PLBD2: variants seen among roughly 807,000 people sequenced by gnomAD.
PLBD2 encodes phospholipase B domain containing 2.
Under a neutral mutation model 68.3 loss-of-function variants are expected in PLBD2, and 51 were observed. The observed-to-expected ratio is 0.75, with a 90% confidence interval of 0.60 to 0.94. PLBD2 has a LOEUF of 0.94. Among genes scored for constraint, PLBD2 ranks in the 40% least tolerant of loss-of-function variants. The pLI is 0.00. For missense variants in PLBD2, 729 were observed against 792.2 expected (o/e 0.92, Z 0.96); for synonymous variants, 314 against 339.3 (o/e 0.93, Z 0.82).
In PLBD2 at chr12:113,374,816, T is replaced by G; in HGVS notation, c.668T>G (p.Leu223Arg). 6.2e-7 allele frequency: 1 copy of G among 1,613,788 alleles called. No individual in the cohort carries two copies. The highest frequency in any genetic ancestry group is 8.5e-7 in the Non-Finnish European group (1 of 1,180,032). Residue 223 changes from leucine (L) to arginine (R), a missense_variant, in exon 5 of 12, where the codon CTG becomes CGG. Coordinates refer to ENST00000280800, the MANE Select transcript of PLBD2 (RefSeq NM_173542.4). Reference sequence around the variant, plus strand: ...AGCCTGCTGCAGCTCTCTGGGGACCTGGAAGACCTGGAGCTGGCCCTGAAC... The same window carrying G: ...AGCCTGCTGCAGCTCTCTGGGGACCGGGAAGACCTGGAGCTGGCCCTGAAC... Reference protein sequence around the residue: ...GFLLLQLSGDLEDLELALNKT... With the variant: ...GFLLLQLSGDREDLELALNKT...
intron 1 of PLBD2, among the ~76,000 whole-genome samples, chr12:113,360,846 G>A (rs886176112): frequency 2.6e-5 from 4 of 152,158 alleles, no homozygotes; most frequent in African/African-American, 7.2e-5. Flanking sequence ...AGTAGAGATG[G>A]GGTTTCACCA....
At chr12:113,364,508 G>T (rs1957325310) in intron 1 of PLBD2, among the ~76,000 whole-genome samples, 2 of 149,994 alleles carry the variant, frequency 1.3e-5, no homozygotes, top group South Asian at 2.1e-4. Context: ...TTGCTCTATT[G>T]TCTGGACTGG....
intron 1 of PLBD2, among the ~76,000 whole-genome samples, chr12:113,360,693 G>A (rs757419016): frequency 9.9e-5 from 15 of 152,172 alleles, no homozygotes; most frequent in African/African-American, 2.2e-4. Context: ...GTTTCACTCC[G>A]TTGCCCAGCT....
chr12:113,386,588 C>T (rs1206600087), intron 9 of PLBD2, among the ~76,000 whole-genome samples: 1 of 150,886 alleles, frequency 6.6e-6, no homozygotes, highest in Non-Finnish European at 1.5e-5. Flanking sequence ...GGCTCGATCT[C>T]AGCTCACTGA....
At position 113,380,241 on chromosome 12, in the gene PLBD2, A is replaced by G. The variant is rs553629987; in HGVS notation, c.860-504A>G. On this transcript the variant is annotated intron_variant, in intron 5 of 11. Coordinates refer to ENST00000280800, the MANE Select transcript of PLBD2 (RefSeq NM_173542.4). ...AAGCTCTGCCTCCCGGGTTCACGCC[A>G]TTCTCCTGACCCAGCCTCCCAAGTA... Among the ~76,000 whole-genome samples the G allele has an allele frequency of 5.1e-4, 77 of 152,098 alleles. 1 individual carries two copies. The highest frequency in any genetic ancestry group is 9.1e-4 in the Non-Finnish European group (62 of 67,990).
chr12:113,375,103 A>G, intron 5 of PLBD2, 96 bp downstream of exon 5: 1 of 1,109,218 alleles, frequency 9.0e-7, no homozygotes, highest in Non-Finnish European at 1.3e-6. Flanking sequence ...AACCCTCCCA[A>G]CACACGGAGT....
chr12:113,383,312 G>A (rs921537219), intron 6 of PLBD2, among the ~76,000 whole-genome samples: 5 of 152,184 alleles, frequency 3.3e-5, no homozygotes, highest in Non-Finnish European at 7.4e-5. Flanking sequence ...GTGAGGGAGT[G>A]GGTTCATGGG....
At chr12:113,379,307 CAAAAAAAAA>C (rs759130410) in intron 5 of PLBD2, among the ~76,000 whole-genome samples, 5 of 46,480 alleles carry the variant, frequency 1.1e-4, no homozygotes, top group Non-Finnish European at 2.4e-4. Flanking sequence ...GACTCTGTCT[CAAAAAAAAA>C]AAAAAAAAAA....
At position 113,388,577 on chromosome 12, in the gene PLBD2, G is replaced by A. The variant is rs753005121; in HGVS notation, c.1721G>A (p.Gly574Asp). 16 of 1,609,618 alleles carry A rather than the reference G, an allele frequency of 9.9e-6. No homozygotes were observed. Among genetic ancestry groups the A allele is most frequent in the Non-Finnish European group, 1.4e-5 (16 of 1,177,216 alleles). The change falls in exon 12 of 12, where the codon GGC (glycine) becomes GAC (aspartate). Residue 574 changes from glycine to aspartate, a missense_variant. Physicochemically the swap from Gly to Asp is moderately conservative, Grantham distance 94 (BLOSUM62 -1). Transcript: ENST00000280800. ...TSPFSGLLHMGQPDLWKFAPV... is the reference protein window; with the variant it reads ...TSPFSGLLHMDQPDLWKFAPV... ...CCCTTCAGCGGCCTGCTGCACATGG[G>A]CCAGCCAGACCTCTGGAAGTTCGCG...
At position 113,388,805 on chromosome 12, in the gene PLBD2, C is replaced by G; in HGVS notation, c.*179C>G. On this transcript the variant is annotated 3_prime_UTR_variant, in exon 12 of 12. Transcript: ENST00000280800. The stretch of plus-strand genomic sequence containing the variant: ...CCTGATGGGGCTCAGAACTGACCCC[C>G]TCTCTCCCCCGAGGTGGGTGGGCAC... 1.7e-6 allele frequency: 1 copy of G among 585,782 alleles called. No individual in the cohort carries two copies. The highest frequency in any genetic ancestry group is 4.0e-5 in the Admixed American group (1 of 25,244). The allele number at this position is 585,782 out of a possible 1,614,324, so 36.3% of individuals were successfully genotyped here.
At chr12:113,380,655 G>A in intron 5 of PLBD2, 90 bp from the exon 6 acceptor site, 1 of 1,028,538 alleles carries the variant, frequency 9.7e-7, no homozygotes, top group South Asian at 1.4e-5. Context: ...GCCTGCCTGT[G>A]CCCCTGTGCC....
At chr12:113,360,856 A>C (rs1957286094) in intron 1 of PLBD2, among the ~76,000 whole-genome samples, 1 of 152,082 alleles carries the variant, frequency 6.6e-6, no homozygotes, top group South Asian at 2.1e-4. Flanking sequence ...GGGTTTCACC[A>C]TGTTGGCCAG....
At chr12:113,367,185 A>T (rs1219188670) in intron 1 of PLBD2, among the ~76,000 whole-genome samples, 2 of 152,240 alleles carry the variant, frequency 1.3e-5, no homozygotes, top group African/African-American at 4.8e-5. Flanking sequence ...AAAGATTTTT[A>T]AAAACCCAAT....
rs369730573 is a variant in PLBD2, at chr12:113,384,193, A to G, written c.1046A>G (p.Asn349Ser). Residue 349 changes from asparagine (N) to serine (S), a missense_variant, in exon 7 of 12, where the codon AAC (asparagine) becomes AGC (serine). Physicochemically the swap from Asn to Ser is conservative, Grantham distance 46. Coordinates refer to ENST00000280800, the MANE Select transcript of PLBD2 (RefSeq NM_173542.4). This position sits in a 1 kb window ranked among gnomAD's most constrained non-coding sequence, Gnocchi z 4.2. ...GGCTGTGTGCTGGAGTGGGTACGCA[A>G]CATCGTGGCCAACCGCCTGGCCTCG... The part of the protein sequence containing the change: ...PRGCVLEWVR[N>S]IVANRLASDG... The G allele has an allele frequency of 8.7e-5, 140 of 1,613,700 alleles. No homozygotes were observed. Among genetic ancestry groups the G allele is most frequent in the Non-Finnish European group, 1.1e-4 (135 of 1,179,930 alleles).
intron 6 of PLBD2, among the ~76,000 whole-genome samples, chr12:113,382,823 G>A (rs962602681): frequency 2.1e-5 from 3 of 146,096 alleles, no homozygotes; most frequent in African/African-American, 5.2e-5. Flanking sequence ...GGGTGGTGGT[G>A]GTGGTGGTTT....
rs1957529514 is a variant in PLBD2 at position 113,384,464 on chromosome 12, G to A, written c.1118+199G>A. Among the ~76,000 whole-genome samples the A allele has an allele frequency of 6.6e-6, 1 of 152,196 alleles. No individual in the cohort carries two copies. Among genetic ancestry groups the A allele is most frequent in the Admixed American group, 6.5e-5 (1 of 15,282 alleles). ...CCTGCAGGCTCCTCAGCCTAGGAAG[G>A]GGTGCCTTGGTGGCAGTACAGGAAG... On this transcript the variant is annotated intron_variant, in intron 7 of 11. Coordinates refer to ENST00000280800, the MANE Select transcript of PLBD2 (RefSeq NM_173542.4). The surrounding 1 kb of genome is among the most constrained non-coding windows in gnomAD (Gnocchi z 4.2).
intron 6 of PLBD2, among the ~76,000 whole-genome samples, chr12:113,382,835 T>TTTTTTTTGTG (rs1335785271): frequency 1.0e-4 from 11 of 106,606 alleles, no homozygotes; most frequent in African/African-American, 4.2e-4. Flanking sequence ...TGGTGGTTTT[T>TTTTTTTTGTG]TGTGTGTGTG....
Position 113,372,222 on chromosome 12 carries a change from C to T in PLBD2, c.385-427C>T, listed in dbSNP as rs755665630. Reference sequence around the variant, plus strand: ...CATCTCGGTGGGAAGTGCAGAGGGCCGCATGAAGTCTGGGTGAAACTGCCA... The same window carrying T: ...CATCTCGGTGGGAAGTGCAGAGGGCTGCATGAAGTCTGGGTGAAACTGCCA... On this transcript the variant is annotated intron_variant, in intron 2 of 11. Transcript: ENST00000280800. The surrounding 1 kb of genome is among the most constrained non-coding windows in gnomAD (Gnocchi z 4.2). 3.4e-5 allele frequency among the ~76,000 whole-genome samples: 5 copies of T among 145,492 alleles called. No individual in the cohort carries two copies. The highest frequency in any genetic ancestry group is 1.0e-4 in the African/African-American group (4 of 39,216).
At position 113,358,629 on chromosome 12, in the gene PLBD2, G is replaced by C. The variant is rs1207968903; in HGVS notation, c.29G>C (p.Gly10Ala). The C allele has an allele frequency of 4.1e-6, 6 of 1,467,652 alleles. No homozygotes were observed. Among genetic ancestry groups the C allele is most frequent in the Non-Finnish European group, 5.4e-6 (6 of 1,117,142 alleles). The allele number at this position is 1,467,652 out of a possible 1,614,324, so 90.9% of individuals were successfully genotyped here. A position where few individuals can be genotyped will look rare whatever the true frequency, so the allele number is the denominator to read the frequency against. Residue 10 changes from glycine (G) to alanine (A), a missense_variant, in exon 1 of 12, where the codon GGC becomes GCC. Physicochemically the swap from Gly to Ala is moderately conservative, Grantham distance 60. Transcript: ENST00000280800. The stretch of plus-strand genomic sequence containing the variant: ...GTGGGCCAGATGTACTGCTACCCCG[G>C]CAGCCACCTGGCCCGGGCGCTGACG... MVGQMYCYP[G>A]SHLARALTRA...
Sources: allele counts gnomAD v4.1 joint callset (sites outside exome capture counted in the v4.1 genomes callset), GRCh38; gene constraint gnomAD v4.1.1; non-coding constraint Gnocchi (gnomAD v3.1); transcripts MANE v1.5; gene names NCBI Gene and HGNC (gene_info 2026-07-23, HGNC 2026-07-21).